The following ACOX1 variants were observed in gnomAD, a reference collection of about 807,000 sequenced individuals.
ACOX1 encodes peroxisomal acyl-coenzyme A oxidase 1.
A neutral mutation model predicts 75.5 loss-of-function variants in ACOX1; 41 were observed. The observed-to-expected ratio is 0.54, with a 90% CI of 0.42 to 0.70. ACOX1 has a LOEUF of 0.70. Ranked by LOEUF, ACOX1 falls within the 30% of genes least tolerant of loss-of-function variation. The pLI, the probability that ACOX1 is intolerant of heterozygous loss-of-function variation, is 0.00. For missense variants in ACOX1, 630 were observed against 837.5 expected (o/e 0.75, Z 3.06); for synonymous variants, 303 against 298.8 (o/e 1.01, Z -0.15).
chr17:75,951,705 G>A, intron 7 of ACOX1, 128 bp from the exon 8 acceptor site: 1 of 832,266 alleles, frequency 1.2e-6, no homozygotes. Flanking sequence ...CTGTGAGGTA[G>A]TTACTATTAC....
At chr17:75,973,918 A>G (rs1018403755) in intron 2 of ACOX1, 17 of 884,072 alleles carry the variant, frequency 1.9e-5, no homozygotes, top group Non-Finnish European at 2.8e-5. Context: ...GAAATTAAAT[A>G]TAAGATTTAC....
At chr17:75,959,176 T>C (rs12603572) in intron 3 of ACOX1, among the ~76,000 whole-genome samples, 2,870 of 152,334 alleles carry the variant, frequency 0.019, 49 homozygotes, top group East Asian at 0.085. Context: ...TAAACACACT[T>C]TGAAACATTT....
chr17:75,949,662 T>C, intron 10 of ACOX1, 56 bp downstream of exon 10: 1 of 1,613,550 alleles, frequency 6.2e-7, no homozygotes, highest in Non-Finnish European at 8.5e-7. Flanking sequence ...CTTCTTGCCA[T>C]CTGTCAGGGC....
Position 75,949,745 on chromosome 17 carries a change from G to A in ACOX1, c.1451C>T (p.Thr484Ile). Residue 484 changes from threonine to isoleucine, a missense_variant, in exon 10 of 14, where the codon ACC becomes ATC. Around this residue, in one of 2 missense-constraint regions of ACOX1, gnomAD observed 240 missense variants for 262.7 expected, o/e 0.91. Transcript: ENST00000293217. Reference sequence around the variant, plus strand: ...GGCTGCACGGAGTTTATATGCTTCGGTTAGGCTTTCGGGGCTGTTGATATC... The same window carrying A: ...GGCTGCACGGAGTTTATATGCTTCGATTAGGCTTTCGGGGCTGTTGATATC... ...MVDINSPESL[T>I]EAYKLRAARL... 6.2e-7 allele frequency: 1 copy of A among 1,614,144 alleles called. No homozygotes were observed. The highest frequency in any genetic ancestry group is 1.1e-5 in the South Asian group (1 of 91,078).
rs1433022398 is a variant in ACOX1 at position 75,950,735 on chromosome 17, T to C, written c.1298+39A>G. The C allele has an allele frequency of 5.0e-6, 8 of 1,598,768 alleles. No homozygotes were observed. The East Asian group carries it at 1.1e-4, about 22-fold the overall frequency. ...ACCTAGGAAAAGGACTAGAACATTC[T>C]TATGAACAGATGGGAGGAATCGAGG... On this transcript the variant is annotated intron_variant, in intron 9 of 13. Transcript: ENST00000293217. This position sits in a 1 kb window ranked among gnomAD's most constrained non-coding sequence, Gnocchi z 4.3.
In ACOX1 at chr17:75,957,443, T is replaced by G; in HGVS notation, c.538+16A>C. On this transcript the variant is annotated intron_variant, in intron 4 of 13. Transcript: ENST00000293217. ...AACCTTCAAAACATCCAATAAATGC[T>G]GAAAAATTCACTTACGCCCACCAGG... is the stretch of plus-strand genomic sequence containing the variant. The G allele has an allele frequency of 6.3e-7, 1 of 1,598,054 alleles. No homozygotes were observed. The highest frequency in any genetic ancestry group is 8.6e-7 in the Non-Finnish European group (1 of 1,165,500).
intron 2 of ACOX1, among the ~76,000 whole-genome samples, chr17:75,976,026 T>C (rs1332501416): frequency 6.6e-6 from 1 of 152,202 alleles, no homozygotes; most frequent in Non-Finnish European, 1.5e-5. Context: ...ACTGGCAGCA[T>C]TCTTTCTTTC....
At chr17:75,964,737 T>C (rs1057406455) in intron 2 of ACOX1, among the ~76,000 whole-genome samples, 2 of 152,216 alleles carry the variant, frequency 1.3e-5, no homozygotes, top group African/African-American at 2.4e-5. Flanking sequence ...ATGATAAAGA[T>C]ATTATTTTTA....
At position 75,945,476 on chromosome 17, in the gene ACOX1, T is replaced by G. The variant is rs1206330688; in HGVS notation, c.*1272A>C. ...CAGGTCCCAAGATAGGAGTTATGTT[T>G]CCATGGAATTAAGCCATATTCTCAG... On this transcript the variant is annotated 3_prime_UTR_variant, in exon 14 of 14. Coordinates refer to ENST00000293217, the MANE Select transcript of ACOX1 (RefSeq NM_004035.7). 6.6e-6 allele frequency: 1 copy of G among 152,382 alleles called. No individual in the cohort carries two copies. Among genetic ancestry groups the G allele is most frequent in the Admixed American group, 6.6e-5 (1 of 15,250 alleles). 9.4% of individuals were successfully genotyped at this position (152,382 alleles called of 1,614,324 possible). A position where few individuals can be genotyped will look rare whatever the true frequency, so the allele number is the denominator to read the frequency against.
intron 2 of ACOX1, among the ~76,000 whole-genome samples, chr17:75,971,158 G>A (rs2065989932): frequency 6.6e-6 from 1 of 152,068 alleles, no homozygotes; most frequent in African/African-American, 2.4e-5. Flanking sequence ...GGGCATGGTG[G>A]CACACGCCTC....
At chr17:75,975,451 G>C (rs1357059218) in intron 2 of ACOX1, among the ~76,000 whole-genome samples, 8 of 152,212 alleles carry the variant, frequency 5.3e-5, no homozygotes, top group Non-Finnish European at 1.2e-4. Flanking sequence ...GAGCCACCAT[G>C]CCCCAGTCCC....
At chr17:75,964,839 C>A (rs187550448) in intron 2 of ACOX1, among the ~76,000 whole-genome samples, 6 of 152,182 alleles carry the variant, frequency 3.9e-5, no homozygotes, top group African/African-American at 1.2e-4. Context: ...AAAAGGCATC[C>A]CCAGCCTCTC....
intron 2 of ACOX1, among the ~76,000 whole-genome samples, chr17:75,961,778 A>AAAAT (rs2065890957): frequency 6.6e-6 from 1 of 151,652 alleles, no homozygotes; most frequent in Non-Finnish European, 1.5e-5. Context: ...AAAAAAAAAA[A>AAAAT]AAAAGTTGTA....
chr17:75,948,534 A>G, intron 12 of ACOX1, 77 bp from the exon 13 acceptor site: 1 of 1,243,028 alleles, frequency 8.0e-7, no homozygotes, highest in Admixed American at 2.0e-5. Context: ...ATACAGCTAT[A>G]AAGCGGATGA....
chr17:75,976,833 G>A (rs1055467348), intron 2 of ACOX1, among the ~76,000 whole-genome samples: 1 of 151,930 alleles, frequency 6.6e-6, no homozygotes, highest in Non-Finnish European at 1.5e-5. Flanking sequence ...CCACTCATAC[G>A]ATTTAGTCTT....
chr17:75,977,325 G>A (rs1370683018), intron 2 of ACOX1, among the ~76,000 whole-genome samples: 1 of 151,216 alleles, frequency 6.6e-6, no homozygotes, highest in Non-Finnish European at 1.5e-5. Flanking sequence ...TATTTTTACC[G>A]TTCCTTGTGG....
chr17:75,972,389 G>A (rs942711047), intron 2 of ACOX1, among the ~76,000 whole-genome samples: 1 of 149,706 alleles, frequency 6.7e-6, no homozygotes, highest in Non-Finnish European at 1.5e-5. Flanking sequence ...CCTGTAGCCT[G>A]TAATCCCAGC....
intron 2 of ACOX1, among the ~76,000 whole-genome samples, chr17:75,971,626 C>A (rs377513702): frequency 3.3e-5 from 5 of 151,732 alleles, no homozygotes; most frequent in African/African-American, 1.2e-4. Context: ...CCTGTAATCC[C>A]AGCTACTCAG....
At chr17:75,977,521 G>A (rs952128765) in intron 2 of ACOX1, among the ~76,000 whole-genome samples, 1 of 152,062 alleles carries the variant, frequency 6.6e-6, no homozygotes, top group African/African-American at 2.4e-5. Context: ...AGCCGAGATC[G>A]TGCCACTGCA....
Sources: gnomAD v4.1 joint callset for allele counts (sites outside exome capture counted in the v4.1 genomes callset) on GRCh38, gnomAD v4.1.1 for gene constraint, gnomAD v4.1.1 regional missense constraint, Gnocchi (gnomAD v3.1) non-coding constraint, MANE v1.5 for transcripts, NCBI Gene and HGNC (gene_info 2026-07-23, HGNC 2026-07-21) for gene names.